UBAC2: variants seen among roughly 807,000 people sequenced by gnomAD.
UBAC2 encodes UBA domain containing 2.
UBAC2 carries 26 observed loss-of-function variants against 44.0 expected under a neutral mutation model. The ratio of observed to expected loss-of-function variants is 0.59; its 90% CI spans 0.43 to 0.82. UBAC2 has a LOEUF of 0.82. Ranked by LOEUF, UBAC2 falls within the 40% of genes least tolerant of loss-of-function variation. UBAC2 has a pLI of 0.00. For missense variants in UBAC2, 329 were observed against 419.4 expected, an observed-to-expected ratio of 0.78 and a Z score of 1.88; for synonymous variants, 155 against 154.3, an observed-to-expected ratio of 1.00 and a Z score of -0.04.
At chr13:99,227,062 G>A (rs1227825042) in intron 1 of UBAC2, among the ~76,000 whole-genome samples, 7 of 152,108 alleles carry the variant, frequency 4.6e-5, no homozygotes, top group South Asian at 2.1e-4. Context: ...GCCAGTTGTG[G>A]TGGTGCATGC....
chr13:99,226,444 C>T (rs2043110718), intron 1 of UBAC2, among the ~76,000 whole-genome samples: 1 of 152,232 alleles, frequency 6.6e-6, no homozygotes, highest in South Asian at 2.1e-4. Context: ...TTTGAACATC[C>T]TCCTTTCTTC....
intron 4 of UBAC2, among the ~76,000 whole-genome samples, chr13:99,310,568 G>A (rs2044398467): frequency 6.6e-6 from 1 of 152,208 alleles, no homozygotes; most frequent in East Asian, 1.9e-4. Context: ...GTCTGTGTGT[G>A]TAGAAATAGC....
chr13:99,385,580 A>G lies in UBAC2; in HGVS notation c.*245A>G. The G allele has an allele frequency of 6.1e-6, 3 of 489,158 alleles. No homozygotes were observed. Among genetic ancestry groups the G allele is most frequent in the South Asian group, 5.9e-5 (2 of 34,004 alleles). The allele number at this position is 489,158 out of a possible 1,614,324, so 30.3% of individuals were successfully genotyped here. A position where few individuals can be genotyped will look rare whatever the true frequency, so the allele number is the denominator to read the frequency against. On this transcript the variant is annotated 3_prime_UTR_variant, in exon 9 of 9. Coordinates refer to ENST00000403766, the MANE Select transcript of UBAC2 (RefSeq NM_001144072.2). Reference sequence around the variant, plus strand: ...ATTGGGCATTTTCCCTAGGTTGGAGAGTCAGCACTCGTTTTGAATGTGTTT... The same window carrying G: ...ATTGGGCATTTTCCCTAGGTTGGAGGGTCAGCACTCGTTTTGAATGTGTTT...
chr13:99,301,279 G>A (rs2044253158), intron 4 of UBAC2, among the ~76,000 whole-genome samples: 1 of 152,210 alleles, frequency 6.6e-6, no homozygotes, highest in Non-Finnish European at 1.5e-5. Context: ...GTGGAACAGG[G>A]CCCTGTCGGC....
chr13:99,351,464 T>C (rs762737470), intron 7 of UBAC2: 1 of 447,650 alleles, frequency 2.2e-6, no homozygotes, highest in South Asian at 1.6e-5. Flanking sequence ...CTAAAATGTT[T>C]ACCACCTGGC....
At chr13:99,247,509 C>T (rs1017937823) in intron 4 of UBAC2, among the ~76,000 whole-genome samples, 2 of 152,040 alleles carry the variant, frequency 1.3e-5, no homozygotes, top group African/African-American at 2.4e-5. Context: ...CCACCGCGCC[C>T]GGCCTGTGTT....
At chr13:99,307,326 G>C (rs2044350619) in intron 4 of UBAC2, 1 of 152,146 alleles carries the variant, frequency 6.6e-6, no homozygotes, top group Non-Finnish European at 1.5e-5. Context: ...AAAAGCAAAA[G>C]ATCTTGTACT....
intron 8 of UBAC2, among the ~76,000 whole-genome samples, chr13:99,368,688 AGTGTGTGTGTGTGTGTGTGTGT>A (rs35193753): frequency 6.8e-6 from 1 of 146,596 alleles, no homozygotes; most frequent in African/African-American, 2.5e-5. Flanking sequence ...CTCATGAGAG[AGTGTGTGTGTGTGTGTGTGTGT>A]GTGTGTGTGT....
chr13:99,374,350 T>G (rs1781729285), intron 8 of UBAC2, among the ~76,000 whole-genome samples: 1 of 152,198 alleles, frequency 6.6e-6, no homozygotes, highest in African/African-American at 2.4e-5. Flanking sequence ...AGTTTCAATT[T>G]GATTGTGTGG....
intron 1 of UBAC2, among the ~76,000 whole-genome samples, chr13:99,227,427 A>G (rs560492515): frequency 6.6e-6 from 1 of 152,280 alleles, no homozygotes; most frequent in African/African-American, 2.4e-5. Flanking sequence ...AAGAACAAGA[A>G]TGATTCCCTG....
intron 4 of UBAC2, among the ~76,000 whole-genome samples, chr13:99,249,050 G>T (rs2043425055): frequency 6.6e-6 from 1 of 152,090 alleles, no homozygotes; most frequent in Non-Finnish European, 1.5e-5. Context: ...TCAGATTCAG[G>T]GGGTACATGT....
intron 4 of UBAC2, among the ~76,000 whole-genome samples, chr13:99,304,845 A>G (rs1310131105): frequency 1.3e-5 from 2 of 152,166 alleles, no homozygotes; most frequent in African/African-American, 2.4e-5. Flanking sequence ...TTTATCTCCT[A>G]TTTCCGACGT....
At chr13:99,351,220 A>G (rs2045082661) in intron 7 of UBAC2, among the ~76,000 whole-genome samples, 1 of 152,192 alleles carries the variant, frequency 6.6e-6, no homozygotes, top group African/African-American at 2.4e-5. Flanking sequence ...AGTATTGGGC[A>G]TCTGTTTTTG....
rs369678412 is a variant in UBAC2 at position 99,281,914 on chromosome 13, C to T, written c.390-32183C>T. 3.9e-5 allele frequency among the ~76,000 whole-genome samples: 6 copies of T among 152,128 alleles called. No individual in the cohort carries two copies. The East Asian group carries it at 5.8e-4, about 15-fold the overall frequency. ...CAGAGTGTCTTACCAGGGAGCAGAC[C>T]TAATGTATCCAGTTTAAAAGGGCGT... On this transcript the variant is annotated intron_variant, in intron 4 of 8. Transcript: ENST00000403766.
Position 99,255,442 on chromosome 13 carries a change from C to T in UBAC2, c.389+10818C>T, listed in dbSNP as rs185252466. ...CGTGGTCAGGGTCATTATCCAGACT[C>T]CCACACACGCCAGCACGGCTTTGCA... On this transcript the variant is annotated intron_variant, in intron 4 of 8. Transcript: ENST00000403766. The T allele has an allele frequency of 6.8e-4, 1,103 of 1,614,070 alleles. 7 individuals are homozygous for T. Among genetic ancestry groups the T allele is most frequent in the Non-Finnish European group, 1.1e-4 (131 of 1,180,010 alleles).
chr13:99,280,009 A>T (rs913363894), intron 4 of UBAC2, among the ~76,000 whole-genome samples: 2 of 152,224 alleles, frequency 1.3e-5, no homozygotes, highest in South Asian at 4.1e-4. Context: ...TAGAGCAAAT[A>T]GATTAATGAA....
In UBAC2 at chr13:99,238,469, C is replaced by T. The variant is rs752611174; in HGVS notation, c.74C>T (p.Ala25Val). Reference sequence around the variant, plus strand: ...AAGAGCCTTCTGCTGGTCCCCAGTGCCCTCTCCCTCCTGCTCGCCCTCCTC... The same window carrying T: ...AAGAGCCTTCTGCTGGTCCCCAGTGTCCTCTCCCTCCTGCTCGCCCTCCTC... Reference protein sequence around the residue: ...LSKSLLLVPSALSLLLALLLP... With the variant: ...LSKSLLLVPSVLSLLLALLLP... The change falls in exon 2 of 9, where the codon GCC becomes GTC. Residue 25 changes from alanine to valine, a missense_variant. Ala to Val is a moderately conservative substitution (Grantham distance 64). Coordinates refer to ENST00000403766, the MANE Select transcript of UBAC2 (RefSeq NM_001144072.2). 3.5e-5 allele frequency: 57 copies of T among 1,613,782 alleles called. No homozygotes were observed. In the East Asian group the frequency reaches 8.7e-4, roughly 25 times the overall value.
At chr13:99,285,188 C>T (rs2044002180) in intron 4 of UBAC2, among the ~76,000 whole-genome samples, 2 of 151,934 alleles carry the variant, frequency 1.3e-5, no homozygotes, top group African/African-American at 4.8e-5. Flanking sequence ...CACATTTATC[C>T]TATTAGCTTG....
In UBAC2 at chr13:99,314,239, T is replaced by C. The variant is rs2044454876; in HGVS notation, c.513+19T>C. ...ACTGCAGGTACAGTATGCATTTTTA[T>C]GTTCACTTTTCTTTAACCAGATCTT... On this transcript the variant is annotated intron_variant, in intron 5 of 8. Transcript: ENST00000403766. The C allele has an allele frequency of 6.3e-7, 1 of 1,579,850 alleles. No homozygotes were observed. The highest frequency in any genetic ancestry group is 8.6e-7 in the Non-Finnish European group (1 of 1,167,472).
Sources: gnomAD v4.1 joint callset for allele counts (sites outside exome capture counted in the v4.1 genomes callset) on GRCh38, gnomAD v4.1.1 for gene constraint, MANE v1.5 for transcripts, NCBI Gene and HGNC (gene_info 2026-07-23, HGNC 2026-07-21) for gene names.